Variants in UBE2H observed in about 807,000 individuals in gnomAD.
The protein encoded by UBE2H is ubiquitin-conjugating enzyme E2 H.
A neutral mutation model predicts 29.0 loss-of-function variants in UBE2H; 3 were observed. That is an observed-to-expected ratio of 0.10 (90% CI 0.05 to 0.27). UBE2H has a LOEUF of 0.27. Among genes scored for constraint, UBE2H ranks in the 10% least tolerant of loss-of-function variants. The pLI is 1.00. For synonymous variants in UBE2H, 69 were observed against 82.9 expected (o/e 0.83, Z 0.91); for missense variants, 68 against 228.2 (o/e 0.30, Z 4.52).
intron 3 of UBE2H, among the ~76,000 whole-genome samples, chr7:129,867,717 AGAAAAC>A (rs1805936960): frequency 1.4e-5 from 1 of 72,964 alleles, no homozygotes; most frequent in African/African-American, 6.3e-5. Context: ...AAAAAAAAAA[AGAAAAC>A]CAAAAAAAAA....
At chr7:129,838,917 G>A (rs1805377529) in intron 6 of UBE2H, among the ~76,000 whole-genome samples, 1 of 152,166 alleles carries the variant, frequency 6.6e-6, no homozygotes, top group Non-Finnish European at 1.5e-5. Context: ...GATTACAGGC[G>A]TGAGCCACCA....
intron 1 of UBE2H, among the ~76,000 whole-genome samples, chr7:129,920,999 TAA>T (rs11297393): frequency 1.7e-4 from 25 of 149,206 alleles, no homozygotes; most frequent in Non-Finnish European, 1.5e-4. Flanking sequence ...TCTCTGCCTC[TAA>T]AAAAAAAAAG....
At chr7:129,929,988 C>T (rs1048887865) in intron 1 of UBE2H, among the ~76,000 whole-genome samples, 3 of 151,886 alleles carry the variant, frequency 2.0e-5, no homozygotes, top group East Asian at 1.9e-4. Flanking sequence ...CCAGCCTGGG[C>T]GACAAAGACT....
intron 1 of UBE2H, among the ~76,000 whole-genome samples, chr7:129,891,697 G>C (rs1242633739): frequency 6.6e-6 from 1 of 151,778 alleles, no homozygotes; most frequent in Non-Finnish European, 1.5e-5. Flanking sequence ...AGCTACTTGG[G>C]AGGCTAACAC....
rs983343372 is a variant in UBE2H at position 129,832,052 on chromosome 7, T to C, written c.*2885A>G. 4 of 152,170 alleles carry C rather than the reference T, an allele frequency of 2.6e-5. No individual in the cohort carries two copies. Among genetic ancestry groups the C allele is most frequent in the Admixed American group, 2.0e-4 (3 of 15,284 alleles). 9.4% of individuals were successfully genotyped at this position (152,170 alleles called of 1,614,324 possible). A position where few individuals can be genotyped will look rare whatever the true frequency, so the allele number is the denominator to read the frequency against. ...AGGGATCTGGATGCTCTCCTGAGTG[T>C]TGGAAGGGCAGCCTGGAAAGGCATT... is the stretch of plus-strand genomic sequence containing the variant. On this transcript the variant is annotated 3_prime_UTR_variant, in exon 7 of 7. Coordinates refer to ENST00000355621, the MANE Select transcript of UBE2H (RefSeq NM_003344.4).
intron 1 of UBE2H, among the ~76,000 whole-genome samples, chr7:129,884,302 A>G (rs1806314303): frequency 6.6e-6 from 1 of 151,600 alleles, no homozygotes; most frequent in Non-Finnish European, 1.5e-5. Flanking sequence ...CTGTAGTCCC[A>G]GCTACTTGGG....
intron 1 of UBE2H, among the ~76,000 whole-genome samples, chr7:129,937,446 A>G (rs967557018): frequency 1.3e-5 from 2 of 152,244 alleles, no homozygotes; most frequent in African/African-American, 2.4e-5. Context: ...TGTTATATAT[A>G]AAACTCTTAA....
intron 1 of UBE2H, among the ~76,000 whole-genome samples, chr7:129,902,089 A>AC (rs1257426227): frequency 6.6e-6 from 1 of 152,186 alleles, no homozygotes; most frequent in African/African-American, 2.4e-5. Flanking sequence ...GATCTTTAAA[A>AC]CGGGAACTCA....
intron 1 of UBE2H, among the ~76,000 whole-genome samples, chr7:129,915,449 G>C (rs1040268807): frequency 6.6e-6 from 1 of 152,084 alleles, no homozygotes; most frequent in Non-Finnish European, 1.5e-5. Context: ...CAGGAGAATG[G>C]CATGAACCTG....
intron 1 of UBE2H, among the ~76,000 whole-genome samples, chr7:129,935,345 G>A (rs1000318009): frequency 4.0e-5 from 6 of 150,518 alleles, no homozygotes; most frequent in East Asian, 2.0e-4. Context: ...CCCGAGAGGC[G>A]AGGGTCATAG....
chr7:129,884,285 C>T (rs1054240729), intron 1 of UBE2H, among the ~76,000 whole-genome samples: 2 of 150,972 alleles, frequency 1.3e-5, no homozygotes, highest in Admixed American at 6.6e-5. Flanking sequence ...AGCATGGTGG[C>T]GGGTGCCTGT....
intron 3 of UBE2H, among the ~76,000 whole-genome samples, chr7:129,870,147 CAT>C (rs1195015905): frequency 6.6e-6 from 1 of 152,130 alleles, no homozygotes; most frequent in African/African-American, 2.4e-5. Flanking sequence ...AGCTTGCACA[CAT>C]GTTCCCCTCT....
intron 1 of UBE2H, among the ~76,000 whole-genome samples, chr7:129,948,444 G>A (rs1807808168): frequency 6.6e-6 from 1 of 152,178 alleles, no homozygotes; most frequent in Admixed American, 6.5e-5. Context: ...CACACTTGAC[G>A]CTTTCTTAAG....
rs1805225478 is a variant in UBE2H at position 129,831,456 on chromosome 7, G to A, written c.*3481C>T. The A allele has an allele frequency of 2.0e-5, 3 of 152,160 alleles. No individual in the cohort carries two copies. Among genetic ancestry groups the A allele is most frequent in the Admixed American group, 2.0e-4 (3 of 15,276 alleles). The allele number at this position is 152,160 out of a possible 1,614,324, so 9.4% of individuals were successfully genotyped here. On this transcript the variant is annotated 3_prime_UTR_variant, in exon 7 of 7. Transcript: ENST00000355621. The stretch of plus-strand genomic sequence containing the variant: ...TCATGATTCTCAGCCATCCCAACGG[G>A]AGGCCTAACATAAAGCATGTGCCAG...
intron 1 of UBE2H, among the ~76,000 whole-genome samples, chr7:129,945,464 T>G (rs1807743558): frequency 6.6e-6 from 1 of 152,222 alleles, no homozygotes; most frequent in African/African-American, 2.4e-5. Flanking sequence ...GAATTCATCT[T>G]TAATCACTAT....
At chr7:129,898,258 G>A (rs1448954119) in intron 1 of UBE2H, among the ~76,000 whole-genome samples, 1 of 152,010 alleles carries the variant, frequency 6.6e-6, no homozygotes, top group Non-Finnish European at 1.5e-5. Context: ...CAGAGAAAAA[G>A]CCACCCTGCC....
Position 129,952,664 on chromosome 7 carries a change from C to A in UBE2H, c.-109G>T, listed in dbSNP as rs1240305074. On this transcript the variant is annotated 5_prime_UTR_variant, in exon 1 of 7. Coordinates refer to ENST00000355621, the MANE Select transcript of UBE2H (RefSeq NM_003344.4). ...GGCTCCTCGGTGGAGGTGGCAACAC[C>A]CCCGCGGTCCCGGCGGTCCCGTCAG... 4 of 1,318,220 alleles carry A rather than the reference C, an allele frequency of 3.0e-6. No homozygotes were observed. The highest frequency in any genetic ancestry group is 5.5e-5 in the East Asian group (2 of 36,610). The allele number at this position is 1,318,220 out of a possible 1,614,324, so 81.7% of individuals were successfully genotyped here.
intron 1 of UBE2H, among the ~76,000 whole-genome samples, chr7:129,941,409 A>G (rs1256699685): frequency 1.3e-5 from 2 of 152,214 alleles, no homozygotes; most frequent in Non-Finnish European, 2.9e-5. Flanking sequence ...TGCTAGGATT[A>G]CAGGCATGAG....
intron 5 of UBE2H, among the ~76,000 whole-genome samples, chr7:129,844,159 A>G (rs1805473745): frequency 6.6e-6 from 1 of 152,200 alleles, no homozygotes; most frequent in East Asian, 1.9e-4. Flanking sequence ...AGAAGTGCTG[A>G]GTCACACCTG....
Sources: gnomAD v4.1 joint callset for allele counts (sites outside exome capture counted in the v4.1 genomes callset) on GRCh38, gnomAD v4.1.1 for gene constraint, MANE v1.5 for transcripts, NCBI Gene and HGNC (gene_info 2026-07-23, HGNC 2026-07-21) for gene names.